The following NALF1 variants were observed in gnomAD, a reference collection of about 807,000 sequenced individuals.
NALF1 encodes family with sequence similarity 155 member A.
NALF1 carries 3 observed loss-of-function variants against 48.4 expected under a neutral mutation model. That is an observed-to-expected ratio of 0.06 (90% CI 0.03 to 0.16). The LOEUF (loss-of-function observed/expected upper bound fraction) is 0.16. Ranked by LOEUF, NALF1 falls within the 10% of genes least tolerant of loss-of-function variation. NALF1 has a pLI of 1.00. For synonymous variants in NALF1, 262 were observed against 245.7 expected, an observed-to-expected ratio of 1.07 and a Z score of -0.62; for missense variants, 526 against 571.5, an observed-to-expected ratio of 0.92 and a Z score of 0.81.
intron 1 of NALF1, among the ~76,000 whole-genome samples, chr13:107,638,483 G>A (rs929764488): frequency 2.0e-5 from 3 of 151,952 alleles, no homozygotes; most frequent in East Asian, 2.0e-4. Flanking sequence ...GGATAGCAGC[G>A]AATGAGGCAG....
intron 1 of NALF1, among the ~76,000 whole-genome samples, chr13:107,228,403 A>C (rs1004490032): frequency 2.6e-5 from 4 of 152,288 alleles, no homozygotes; most frequent in African/African-American, 9.6e-5. Context: ...AACAAGCAAG[A>C]AAAGGTAATC....
At chr13:107,466,617 TG>T (rs1452647861) in intron 1 of NALF1, 1 of 152,202 alleles carries the variant, frequency 6.6e-6, no homozygotes, top group Non-Finnish European at 1.5e-5. Flanking sequence ...TTCGTCCTTG[TG>T]GTCTACAGCA....
intron 1 of NALF1, among the ~76,000 whole-genome samples, chr13:107,473,261 C>A (rs1476561040): frequency 6.6e-6 from 1 of 152,094 alleles, no homozygotes; most frequent in Non-Finnish European, 1.5e-5. Context: ...AAGTAACAAC[C>A]ATTTTACTCA....
At chr13:107,265,302 GTTA>G (rs1194032252) in intron 1 of NALF1, among the ~76,000 whole-genome samples, 6 of 152,056 alleles carry the variant, frequency 3.9e-5, no homozygotes, top group Non-Finnish European at 7.4e-5. Flanking sequence ...ACAGAATTTG[GTTA>G]TTATTAATAT....
At chr13:107,204,411 G>A (rs1237470246) in intron 2 of NALF1, among the ~76,000 whole-genome samples, 1 of 150,914 alleles carries the variant, frequency 6.6e-6, no homozygotes, top group Non-Finnish European at 1.5e-5. Flanking sequence ...CACTTGTGGA[G>A]GTGAGGCAAT....
intron 1 of NALF1, among the ~76,000 whole-genome samples, chr13:107,808,306 A>G (rs980918357): frequency 6.6e-6 from 1 of 152,244 alleles, no homozygotes; most frequent in Non-Finnish European, 1.5e-5. Flanking sequence ...CAGGCTTGAA[A>G]CACAAGTGAC....
chr13:107,599,646 T>C (rs1878867812), intron 1 of NALF1, among the ~76,000 whole-genome samples: 1 of 152,226 alleles, frequency 6.6e-6, no homozygotes, highest in African/African-American at 2.4e-5. Context: ...TTCAAATTCA[T>C]TTCCAAATTA....
intron 1 of NALF1, among the ~76,000 whole-genome samples, chr13:107,431,468 T>C (rs1375671308): frequency 6.6e-6 from 1 of 152,222 alleles, no homozygotes; most frequent in Non-Finnish European, 1.5e-5. Flanking sequence ...CCTAATGCCA[T>C]GATGCCATTT....
At chr13:107,847,672 C>G (rs1181338087) in intron 1 of NALF1, among the ~76,000 whole-genome samples, 2 of 152,126 alleles carry the variant, frequency 1.3e-5, no homozygotes, top group Non-Finnish European at 2.9e-5. Context: ...CTCAACAGCT[C>G]GCAGGGAGCA....
At chr13:107,737,584 T>A (rs931050261) in intron 1 of NALF1, among the ~76,000 whole-genome samples, 2 of 152,170 alleles carry the variant, frequency 1.3e-5, no homozygotes, top group African/African-American at 4.8e-5. Context: ...CCAAAAAAAA[T>A]TGCTGGGGTT....
intron 2 of NALF1, among the ~76,000 whole-genome samples, chr13:107,176,395 CACTT>C (rs1878932200): frequency 6.8e-6 from 1 of 147,640 alleles, no homozygotes; most frequent in African/African-American, 2.5e-5. Context: ...GTAATCCCAG[CACTT>C]TGGGAGGTCG....
At chr13:107,327,975 C>T (rs887222805) in intron 1 of NALF1, among the ~76,000 whole-genome samples, 3 of 151,700 alleles carry the variant, frequency 2.0e-5, no homozygotes, top group Admixed American at 1.3e-4. Context: ...GGCTGGAGTT[C>T]GGTGGCAGGA....
chr13:107,666,102 A>G (rs983714157), intron 1 of NALF1, among the ~76,000 whole-genome samples: 1 of 152,166 alleles, frequency 6.6e-6, no homozygotes, highest in Non-Finnish European at 1.5e-5. Flanking sequence ...GAGAGGAATG[A>G]GTAAGAGCAT....
chr13:107,749,809 G>GGTTTGTTT (rs71121552), intron 1 of NALF1, among the ~76,000 whole-genome samples: 25 of 151,116 alleles, frequency 1.7e-4, no homozygotes, highest in African/African-American at 5.6e-4. Flanking sequence ...TTGTTGTGGT[G>GGTTTGTTT]GTTTGTTTGT....
chr13:107,415,406 A>G (rs992583410), intron 1 of NALF1, among the ~76,000 whole-genome samples: 3 of 152,018 alleles, frequency 2.0e-5, no homozygotes, highest in African/African-American at 7.2e-5. Flanking sequence ...TTCTGTGTGA[A>G]ACAGACTTTT....
rs1246990488 is a variant in NALF1 at position 107,866,733 on chromosome 13, CT to C, written c.-138del. 1.5e-6 allele frequency: 1 copy of C among 648,756 alleles called. No homozygotes were observed. The highest frequency in any genetic ancestry group is 2.6e-6 in the Non-Finnish European group (1 of 379,768). The allele number at this position is 648,756 out of a possible 1,614,324, so 40.2% of individuals were successfully genotyped here. Reference sequence around the variant, plus strand: ...TCTTCTCTCTCCTCTCTCTCTTTCTCTCTCTTCCCCTCTCCCTCTCTCCTCT... The same window carrying C: ...TCTTCTCTCTCCTCTCTCTCTTTCTCCTCTTCCCCTCTCCCTCTCTCCTCT... On this transcript the variant is annotated 5_prime_UTR_variant, in exon 1 of 3. Transcript: ENST00000375915. The surrounding 1 kb of genome is among the most constrained non-coding windows in gnomAD (Gnocchi z 4.4).
intron 1 of NALF1, among the ~76,000 whole-genome samples, chr13:107,629,381 G>A (rs141032055): frequency 6.6e-6 from 1 of 152,194 alleles, no homozygotes; most frequent in Non-Finnish European, 1.5e-5. Context: ...GTATCATATT[G>A]TTCTCTATGG....
At chr13:107,603,910 G>A (rs1878998433) in intron 1 of NALF1, among the ~76,000 whole-genome samples, 1 of 152,156 alleles carries the variant, frequency 6.6e-6, no homozygotes, top group Non-Finnish European at 1.5e-5. Context: ...TGGAGTAGGA[G>A]GAACATAGCA....
chr13:107,294,660 C>A (rs1290024929), intron 1 of NALF1, among the ~76,000 whole-genome samples: 3 of 152,168 alleles, frequency 2.0e-5, no homozygotes, highest in Non-Finnish European at 2.9e-5. Flanking sequence ...GAAACTGAGG[C>A]AAAGAGAGCC....
Sources: allele counts gnomAD v4.1 joint callset (sites outside exome capture counted in the v4.1 genomes callset), GRCh38; gene constraint gnomAD v4.1.1; non-coding constraint Gnocchi (gnomAD v3.1); transcripts MANE v1.5; gene names NCBI Gene and HGNC (gene_info 2026-07-23, HGNC 2026-07-21).